Variants in EXTL1 observed in about 807,000 individuals in gnomAD.
EXTL1 encodes the protein exostosin-like 1.
EXTL1 carries 43 observed loss-of-function variants against 64.6 expected under a neutral mutation model. The observed-to-expected ratio is 0.67, with a 90% confidence interval of 0.52 to 0.86. EXTL1 has a LOEUF of 0.86. Among genes scored for constraint, EXTL1 ranks in the 40% least tolerant of loss-of-function variants. The pLI, the probability that EXTL1 is intolerant of heterozygous loss-of-function variation, is 0.00. For synonymous variants in EXTL1, 352 were observed against 360.5 expected (o/e 0.98, Z 0.27); for missense variants, 766 against 879.0 (o/e 0.87, Z 1.62).
At position 26,033,887 on chromosome 1, in the gene EXTL1, A is replaced by G. The variant is rs750532267; in HGVS notation, c.1679+31A>G. On this transcript the variant is annotated intron_variant, in intron 9 of 10. Coordinates refer to ENST00000374280, the MANE Select transcript of EXTL1 (RefSeq NM_004455.3). This position sits in a 1 kb window ranked among gnomAD's most constrained non-coding sequence, Gnocchi z 5.1. Reference sequence around the variant, plus strand: ...GACCCCTACCCTGCACAGGGATCAGAGTATCAGAGGACCAGAGACCCCACC... The same window carrying G: ...GACCCCTACCCTGCACAGGGATCAGGGTATCAGAGGACCAGAGACCCCACC... 3.2e-6 allele frequency: 5 copies of G among 1,584,394 alleles called. No individual in the cohort carries two copies. The South Asian group carries it at 3.4e-5, about 11-fold the overall frequency.
chr1:26,024,836 C>T (rs868711102), intron 1 of EXTL1, among the ~76,000 whole-genome samples: 6 of 152,172 alleles, frequency 3.9e-5, no homozygotes, highest in Admixed American at 1.3e-4. Context: ...CTTTAGTTAC[C>T]GCTAAGCACA....
At chr1:26,030,430 T>G in intron 3 of EXTL1, 46 bp from the exon 4 acceptor site, 1 of 1,576,300 alleles carries the variant, frequency 6.3e-7, no homozygotes, top group Non-Finnish European at 8.7e-7. Context: ...CCTCCTGGGC[T>G]CAAAATTGCT....
At position 26,025,285 on chromosome 1, in the gene EXTL1, G is replaced by A. The variant is rs1055548549; in HGVS notation, c.779+1860G>A. Among the ~76,000 whole-genome samples, 3 of 152,224 alleles carry A rather than the reference G, an allele frequency of 2.0e-5. No individual in the cohort carries two copies. The highest frequency in any genetic ancestry group is 2.9e-5 in the Non-Finnish European group (2 of 68,040). On this transcript the variant is annotated intron_variant, in intron 1 of 10. Coordinates refer to ENST00000374280, the MANE Select transcript of EXTL1 (RefSeq NM_004455.3). The surrounding 1 kb of genome is among the most constrained non-coding windows in gnomAD (Gnocchi z 5.3). The stretch of plus-strand genomic sequence containing the variant: ...GCCACCTCCCCACATTCACTCAGCC[G>A]GGCGAGAGTGGGGAGAGGAGGAGGC...
intron 4 of EXTL1, 94 bp downstream of exon 4, chr1:26,030,689 C>G (rs1047593139): frequency 7.5e-6 from 10 of 1,333,562 alleles, no homozygotes; most frequent in Middle Eastern, 2.1e-4. Context: ...TTTGGGGAAC[C>G]CCCCCCCCTT....
In EXTL1 at chr1:26,023,225, C is replaced by T. The variant is rs1401905783; in HGVS notation, c.579C>T (p.Gly193=). The T allele has an allele frequency of 3.7e-6, 6 of 1,608,842 alleles. No individual in the cohort carries two copies. The highest frequency in any genetic ancestry group is 3.4e-5 in the Admixed American group (2 of 59,610). The change falls in exon 1 of 11, where the codon GGC becomes GGT. Residue 193 remains glycine, a synonymous_variant. Transcript: ENST00000374280. ...CCACGGTGGACTCCTTCCGGCCCGG[C>T]TTTGATGTGGCCCTCCCTTTTCTCC... The part of the protein sequence containing the change: ...ASPTVDSFRP[G]FDVALPFLPE...
Position 26,034,745 on chromosome 1 carries a change from G to A in EXTL1, c.1680-91G>A, listed in dbSNP as rs1396870698. 1.5e-6 allele frequency: 2 copies of A among 1,346,046 alleles called. No individual in the cohort carries two copies. Among genetic ancestry groups the A allele is most frequent in the Non-Finnish European group, 2.1e-6 (2 of 964,600 alleles). The allele number at this position is 1,346,046 out of a possible 1,614,324, so 83.4% of individuals were successfully genotyped here. Reference sequence around the variant, plus strand: ...AGGGCTCAGAGGCTTGGGGATGGGGGTCAAAGGGAGAGGTGAGGTCAGGAG... The same window carrying A: ...AGGGCTCAGAGGCTTGGGGATGGGGATCAAAGGGAGAGGTGAGGTCAGGAG... On this transcript the variant is annotated intron_variant, in intron 9 of 10. Coordinates refer to ENST00000374280, the MANE Select transcript of EXTL1 (RefSeq NM_004455.3). This position sits in a 1 kb window ranked among gnomAD's most constrained non-coding sequence, Gnocchi z 4.6.
chr1:26,026,183 G>T (rs1001523480), intron 1 of EXTL1, among the ~76,000 whole-genome samples: 1 of 148,740 alleles, frequency 6.7e-6, no homozygotes, highest in South Asian at 2.1e-4. Context: ...AGGCTAGAGT[G>T]AGCTGGGATC....
intron 1 of EXTL1, among the ~76,000 whole-genome samples, chr1:26,027,438 A>G (rs1569658026): frequency 6.6e-6 from 1 of 152,306 alleles, no homozygotes; most frequent in Non-Finnish European, 1.5e-5. Flanking sequence ...TACATACTCA[A>G]TATAGGTTAG....
At position 26,035,302 on chromosome 1, in the gene EXTL1, G is replaced by T; in HGVS notation, c.1986G>T (p.Pro662=). 2 of 1,613,212 alleles carry T rather than the reference G, an allele frequency of 1.2e-6. No individual in the cohort carries two copies. The highest frequency in any genetic ancestry group is 1.7e-6 in the Non-Finnish European group (2 of 1,179,736). ...LRLDPVLFKD[P]VSVQRKKYRS... is the part of the protein sequence containing the mutation. ...TGGACCCGGTGCTGTTTAAGGACCC[G>T]GTGTCCGTGCAGCGCAAGAAGTACC... is the stretch of plus-strand genomic sequence containing the variant. The change falls in exon 11 of 11, where the codon CCG becomes CCT. Residue 662 remains proline, a synonymous_variant. Transcript: ENST00000374280. The surrounding 1 kb of genome is among the most constrained non-coding windows in gnomAD (Gnocchi z 5.3).
intron 1 of EXTL1, among the ~76,000 whole-genome samples, chr1:26,028,633 C>G (rs1484482422): frequency 2.0e-5 from 3 of 151,394 alleles, no homozygotes; most frequent in Non-Finnish European, 2.9e-5. Context: ...GTGGGAGGAA[C>G]AGAGGGAGCC....
chr1:26,032,374 A>G (rs2050296647), intron 6 of EXTL1, 22 bp from the exon 7 acceptor site: 2 of 1,539,392 alleles, frequency 1.3e-6, no homozygotes, highest in South Asian at 1.2e-5. Flanking sequence ...CCAGACTTCA[A>G]GAACAACCCC....
At chr1:26,023,541 T>A in intron 1 of EXTL1, 116 bp downstream of exon 1, 1 of 1,117,048 alleles carries the variant, frequency 9.0e-7, no homozygotes, top group Middle Eastern at 2.8e-4. Context: ...CCTGGTAGAC[T>A]TAGGCCTCAG....
intron 1 of EXTL1, among the ~76,000 whole-genome samples, chr1:26,027,606 A>G (rs2050230919): frequency 6.6e-6 from 1 of 151,196 alleles, no homozygotes; most frequent in African/African-American, 2.4e-5. Flanking sequence ...CTGTAATCTC[A>G]ACACTTTGGG....
rs745928388 is a variant in EXTL1, at chr1:26,029,660, G to A, written c.934G>A (p.Asp312Asn). The change falls in exon 3 of 11, where the codon GAC (aspartate) becomes AAC (asparagine). Residue 312 changes from aspartate (D) to asparagine (N), a missense_variant. Coordinates refer to ENST00000374280, the MANE Select transcript of EXTL1 (RefSeq NM_004455.3). ...RWELPFSEVI[D>N]WTKAAIVADE... The stretch of plus-strand genomic sequence containing the variant: ...GGAGCTGCCCTTCTCCGAGGTCATC[G>A]ACTGGACCAAGGCAGCCATCGTAGC... 7.4e-6 allele frequency: 12 copies of A among 1,612,474 alleles called. No individual in the cohort carries two copies. Among genetic ancestry groups the A allele is most frequent in the East Asian group, 4.5e-5 (2 of 44,864 alleles).
rs765803404 is a variant in EXTL1, at chr1:26,030,514, C to T, written c.1020C>T (p.Val340=). Residue 340 remains valine, a synonymous_variant, in exon 4 of 11, where the codon GTC becomes GTT. Transcript: ENST00000374280. ...TCCAGGAGATGTCCCCTGCACGGGTCCTCGCCCTGCGTCAGCAGACCCAGT... is the reference window on the plus strand; with the variant it reads ...TCCAGGAGATGTCCCCTGCACGGGTTCTCGCCCTGCGTCAGCAGACCCAGT... ...AALQEMSPAR[V]LALRQQTQFL... The T allele has an allele frequency of 6.2e-7, 1 of 1,613,280 alleles. No homozygotes were observed. Among genetic ancestry groups the T allele is most frequent in the East Asian group, 2.2e-5 (1 of 44,880 alleles).
rs996132694 is a variant in EXTL1 at position 26,029,292 on chromosome 1, A to G, written c.873+6A>G. 2 of 1,610,864 alleles carry G rather than the reference A, an allele frequency of 1.2e-6. No homozygotes were observed. The highest frequency in any genetic ancestry group is 1.3e-5 in the African/African-American group (1 of 74,730). ...GCTTCCTCCAAGCCCTGCAGGTACA[A>G]CCCCAATTTGAGCATCACCCATCCT... On this transcript the variant is annotated splice_donor_region_variant and intron_variant, in intron 2 of 10. Transcript: ENST00000374280.
chr1:26,028,780 G>A (rs4659402), intron 1 of EXTL1, among the ~76,000 whole-genome samples: 2,659 of 152,312 alleles, frequency 0.017, 35 homozygotes, highest in Non-Finnish European at 0.028. Flanking sequence ...CAGAGGCCAC[G>A]CAGGCAAGGG....
In EXTL1 at chr1:26,025,211, G is replaced by A. The variant is rs1403029632; in HGVS notation, c.779+1786G>A. On this transcript the variant is annotated intron_variant, in intron 1 of 10. Coordinates refer to ENST00000374280, the MANE Select transcript of EXTL1 (RefSeq NM_004455.3). This position sits in a 1 kb window ranked among gnomAD's most constrained non-coding sequence, Gnocchi z 5.3. ...GCCTAGGGACAGAGTGAGAGAGATA[G>A]CCTGAATAAACAAGTCCTGGCCAGA... Among the ~76,000 whole-genome samples the A allele has an allele frequency of 6.6e-6, 1 of 152,148 alleles. No homozygotes were observed. The highest frequency in any genetic ancestry group is 2.4e-5 in the African/African-American group (1 of 41,422).
In EXTL1 at chr1:26,035,663, T is replaced by A; in HGVS notation, c.*316T>A. 1 of 294,496 alleles carries A rather than the reference T, an allele frequency of 3.4e-6. No homozygotes were observed. Among genetic ancestry groups the A allele is most frequent in the Non-Finnish European group, 6.3e-6 (1 of 158,120 alleles). 18.2% of individuals were successfully genotyped at this position (294,496 alleles called of 1,614,324 possible). A position where few individuals can be genotyped will look rare whatever the true frequency, so the allele number is the denominator to read the frequency against. ...GGGACTTGCCTGGCCCTCCTCCCCC[T>A]CCGCCCCCAATGGGTTCGGTCTCCT... On this transcript the variant is annotated 3_prime_UTR_variant, in exon 11 of 11. Transcript: ENST00000374280. This position sits in a 1 kb window ranked among gnomAD's most constrained non-coding sequence, Gnocchi z 5.3.
Sources: gnomAD v4.1 joint callset for allele counts (sites outside exome capture counted in the v4.1 genomes callset) on GRCh38, gnomAD v4.1.1 for gene constraint, Gnocchi (gnomAD v3.1) non-coding constraint, MANE v1.5 for transcripts, NCBI Gene and HGNC (gene_info 2026-07-23, HGNC 2026-07-21) for gene names.